MPPED2: variants seen among roughly 807,000 people sequenced by gnomAD.
MPPED2 encodes metallophosphoesterase MPPED2.
In MPPED2, 5 loss-of-function variants were observed where a neutral mutation model predicts 33.0. That is an observed-to-expected ratio of 0.15 (90% CI 0.08 to 0.32). MPPED2 has a LOEUF of 0.32. Among genes scored for constraint, MPPED2 ranks in the 10% least tolerant of loss-of-function variants. MPPED2 has a pLI of 1.00. For missense variants in MPPED2, 275 were observed against 372.1 expected, an observed-to-expected ratio of 0.74 and a Z score of 2.15; for synonymous variants, 136 against 141.9, an observed-to-expected ratio of 0.96 and a Z score of 0.29.
At chr11:30,409,307 G>A (rs1218803576), downstream of MPPED2, among the ~76,000 whole-genome samples, 1 of 152,118 alleles carries the variant, frequency 6.6e-6, no homozygotes, top group Non-Finnish European at 1.5e-5. Context: ...TTCTACTGAT[G>A]TAGAAGGTCA....
At chr11:30,445,328 G>T (rs1319993914) in intron 4 of MPPED2, among the ~76,000 whole-genome samples, 1 of 152,110 alleles carries the variant, frequency 6.6e-6, no homozygotes, top group African/African-American at 2.4e-5. Context: ...CTAATACAAA[G>T]GAACTAAATT....
downstream of MPPED2, chr11:30,384,478 T>C (rs568901769): frequency 9.0e-3 from 929 of 102,656 alleles, 10 homozygotes; most frequent in Non-Finnish European, 0.017. Context: ...TTTTTTCTTT[T>C]TTTTTTTTTT....
intron 3 of MPPED2, 135 bp from the exon 4 acceptor site, chr11:30,495,656 T>G: frequency 1.6e-6 from 1 of 644,738 alleles, no homozygotes; most frequent in South Asian, 1.9e-5. Context: ...CCATGTGAAC[T>G]GGAATTTATG....
At chr11:30,532,150 C>G (rs1954562776) in intron 3 of MPPED2, among the ~76,000 whole-genome samples, 1 of 152,184 alleles carries the variant, frequency 6.6e-6, no homozygotes, top group African/African-American at 2.4e-5. Flanking sequence ...TGGACCTTAC[C>G]TCCCATAGAC....
At chr11:30,467,442 T>TC (rs1390445222) in intron 4 of MPPED2, among the ~76,000 whole-genome samples, 1 of 151,992 alleles carries the variant, frequency 6.6e-6, no homozygotes, top group Non-Finnish European at 1.5e-5. Context: ...TGGGAAGGGA[T>TC]CCCCAAGCCC....
At chr11:30,555,670 CCTT>C (rs1955931810) in intron 2 of MPPED2, among the ~76,000 whole-genome samples, 1 of 152,192 alleles carries the variant, frequency 6.6e-6, no homozygotes, top group Non-Finnish European at 1.5e-5. Flanking sequence ...TGACTTTGCT[CCTT>C]CTTCACCTTC....
chr11:30,474,455 C>G (rs1389321905), intron 4 of MPPED2, among the ~76,000 whole-genome samples: 1 of 152,176 alleles, frequency 6.6e-6, no homozygotes. Flanking sequence ...TTTGAAAACT[C>G]ACTCCTATTC....
chr11:30,431,733 TG>T (rs1460756786), intron 4 of MPPED2, among the ~76,000 whole-genome samples: 2 of 152,226 alleles, frequency 1.3e-5, no homozygotes, highest in Non-Finnish European at 2.9e-5. Flanking sequence ...TGTTTTGTTT[TG>T]TTTTTTTGTT....
intron 4 of MPPED2, among the ~76,000 whole-genome samples, chr11:30,483,542 T>C (rs762441839): frequency 6.6e-6 from 1 of 152,204 alleles, no homozygotes; most frequent in African/African-American, 2.4e-5. Context: ...TCCAACTAGT[T>C]AGTTTTGCCA....
chr11:30,468,691 T>A (rs1476160768), intron 4 of MPPED2, among the ~76,000 whole-genome samples: 1 of 152,214 alleles, frequency 6.6e-6, no homozygotes, highest in African/African-American at 2.4e-5. Context: ...TGTGTGTGTG[T>A]GTAACACAAT....
chr11:30,421,474 GA>G (rs36010780), intron 4 of MPPED2, among the ~76,000 whole-genome samples: 42,731 of 141,450 alleles, frequency 0.3, 6,061 homozygotes, highest in Non-Finnish European at 0.33. Flanking sequence ...TATATTCCAG[GA>G]AAAAAAAAAA....
chr11:30,430,982 G>A (rs1194651476), intron 4 of MPPED2, among the ~76,000 whole-genome samples: 1 of 152,174 alleles, frequency 6.6e-6, no homozygotes, highest in East Asian at 1.9e-4. Context: ...GAAAGAGGAT[G>A]AGGAGGCAGC....
intron 4 of MPPED2, among the ~76,000 whole-genome samples, chr11:30,420,909 A>G (rs1948581387): frequency 6.6e-6 from 1 of 152,210 alleles, no homozygotes; most frequent in Non-Finnish European, 1.5e-5. Flanking sequence ...TTTTAAAAGT[A>G]AAAACAAAAC....
At chr11:30,472,501 C>A (rs1271255757) in intron 4 of MPPED2, among the ~76,000 whole-genome samples, 1 of 152,132 alleles carries the variant, frequency 6.6e-6, no homozygotes, top group Non-Finnish European at 1.5e-5. Flanking sequence ...CTCCAAGTAC[C>A]TTCACAACCC....
intron 4 of MPPED2, among the ~76,000 whole-genome samples, chr11:30,461,372 TTA>T (rs1950512313): frequency 6.6e-6 from 1 of 152,084 alleles, no homozygotes. Flanking sequence ...ATGGTAAATT[TTA>T]TGTTATGTAT....
At chr11:30,451,108 G>T (rs1276699536) in intron 4 of MPPED2, among the ~76,000 whole-genome samples, 1 of 152,198 alleles carries the variant, frequency 6.6e-6, no homozygotes, top group Non-Finnish European at 1.5e-5. Flanking sequence ...AGCTGTAGGG[G>T]TCTGGGCAAA....
At chr11:30,389,275 A>G (rs1194829310) in intron 6 of MPPED2, among the ~76,000 whole-genome samples, 1 of 152,196 alleles carries the variant, frequency 6.6e-6, no homozygotes, top group Admixed American at 6.5e-5. Flanking sequence ...GAGGTTGGGT[A>G]CATTCCCAAC....
At chr11:30,465,843 T>G (rs1950686460) in intron 4 of MPPED2, among the ~76,000 whole-genome samples, 1 of 152,138 alleles carries the variant, frequency 6.6e-6, no homozygotes, top group South Asian at 2.1e-4. Context: ...GAGGGCAGAC[T>G]TTTTGTATAT....
intron 3 of MPPED2, among the ~76,000 whole-genome samples, chr11:30,505,958 G>A (rs1044816661): frequency 6.6e-6 from 1 of 151,954 alleles, no homozygotes; most frequent in African/African-American, 2.4e-5. Flanking sequence ...TTATGAAGTG[G>A]GTATGGGGAA....
Sources: allele counts gnomAD v4.1 joint callset (sites outside exome capture counted in the v4.1 genomes callset), GRCh38; gene constraint gnomAD v4.1.1; transcripts MANE v1.5; gene names NCBI Gene and HGNC (gene_info 2026-07-23, HGNC 2026-07-21).